Variants in PTPRD observed in about 807,000 individuals in gnomAD.
PTPRD encodes receptor-type tyrosine-protein phosphatase delta.
A neutral mutation model predicts 214.5 loss-of-function variants in PTPRD; 34 were observed. The ratio of observed to expected loss-of-function variants is 0.16; its 90% CI spans 0.12 to 0.21. PTPRD has a LOEUF of 0.21. Among genes scored for constraint, PTPRD ranks in the 10% least tolerant of loss-of-function variants. The pLI is 1.00. For synonymous variants in PTPRD, 1,128 were observed against 845.7 expected (o/e 1.33, Z -5.79); for missense variants, 2,545 against 2,398.7 (o/e 1.06, Z -1.27).
intron 11 of PTPRD, among the ~76,000 whole-genome samples, chr9:8,967,694 T>G (rs1209923242): frequency 6.6e-6 from 1 of 152,154 alleles, no homozygotes; most frequent in Non-Finnish European, 1.5e-5. Context: ...GAATTCTTAC[T>G]GAAATATACG....
At chr9:9,478,711 AT>A (rs1282488663) in intron 8 of PTPRD, among the ~76,000 whole-genome samples, 2 of 152,208 alleles carry the variant, frequency 1.3e-5, no homozygotes, top group African/African-American at 4.8e-5. Flanking sequence ...AAATTAATTA[AT>A]CTTTTTAAAA....
chr9:8,661,996 G>A (rs955050347), intron 12 of PTPRD, among the ~76,000 whole-genome samples: 9 of 152,076 alleles, frequency 5.9e-5, no homozygotes, highest in African/African-American at 2.2e-4. Flanking sequence ...TGCCCAGGCT[G>A]GTCTTAAACC....
At chr9:9,980,639 A>AC (rs2095513282) in intron 4 of PTPRD, among the ~76,000 whole-genome samples, 2 of 135,004 alleles carry the variant, frequency 1.5e-5, no homozygotes, top group Non-Finnish European at 3.2e-5. Context: ...AAAAAACAAA[A>AC]AAAAAAACCC....
At chr9:8,656,305 T>C (rs776293577) in intron 12 of PTPRD, among the ~76,000 whole-genome samples, 1 of 152,212 alleles carries the variant, frequency 6.6e-6, no homozygotes, top group Non-Finnish European at 1.5e-5. Flanking sequence ...TATTCCATTA[T>C]TCAAAAATAT....
rs2097385372 is a variant in PTPRD, at chr9:8,500,769, G to A, written c.2113C>T (p.Arg705Ter). The A allele has an allele frequency of 7.4e-6, 12 of 1,613,878 alleles. No homozygotes were observed. The highest frequency in any genetic ancestry group is 2.2e-5 in the South Asian group (2 of 91,064). Reference sequence around the variant, plus strand: ...GGCAACATACCATCTTCATTGGTTCGAATCAACACGGACAAGCTCTCAGGG... The same window carrying A: ...GGCAACATACCATCTTCATTGGTTCAAATCAACACGGACAAGCTCTCAGGG... ...PGPESLSVLI[R>*]TNEDVPSGPP... is the part of the protein sequence containing the mutation. The change falls in exon 24 of 46, where the codon CGA (arginine) becomes TGA (stop). Residue 705 changes from arginine (R) to a stop codon, truncating the protein, a stop_gained. Transcript: ENST00000381196. LOFTEE classifies it high-confidence loss of function.
intron 10 of PTPRD, among the ~76,000 whole-genome samples, chr9:9,068,343 C>A (rs1393302674): frequency 1.3e-5 from 2 of 152,106 alleles, no homozygotes; most frequent in Admixed American, 6.5e-5. Flanking sequence ...ATAGGTTTCC[C>A]CCTCCCAGGA....
rs1222004969 is a variant in PTPRD, at chr9:8,460,416, A to G, written c.3870T>C (p.Tyr1290=). Residue 1290 remains tyrosine, a synonymous_variant, in exon 33 of 46, where the codon TAT becomes TAC. Transcript: ENST00000381196. ...IICIVIAILL[Y]KRKRAESDSR... ...GAAATATTGGGCAAACCTACCTTTT[A>G]TAAAGAAGAATAGCAATGACAATGC... 6.2e-7 allele frequency: 1 copy of G among 1,610,652 alleles called. No individual in the cohort carries two copies.
intron 3 of PTPRD, among the ~76,000 whole-genome samples, chr9:10,104,877 C>T (rs113839082): frequency 1.3e-5 from 2 of 151,858 alleles, no homozygotes; most frequent in African/African-American, 2.4e-5. Context: ...AGTCTCCTGT[C>T]GTGTTTCCTG....
At chr9:8,321,542 C>T (rs987197017) in intron 44 of PTPRD, among the ~76,000 whole-genome samples, 3 of 118,080 alleles carry the variant, frequency 2.5e-5, no homozygotes, top group South Asian at 2.9e-4. Flanking sequence ...GTATATGCAT[C>T]GCAATTCCTT....
chr9:9,750,338 C>A (rs567317425), intron 6 of PTPRD, among the ~76,000 whole-genome samples: 68 of 152,170 alleles, frequency 4.5e-4, no homozygotes, highest in Admixed American at 1.5e-3. Context: ...AAAAAAAGAG[C>A]TGGAAATAGA....
At chr9:8,362,747 C>G (rs2078825636) in intron 39 of PTPRD, among the ~76,000 whole-genome samples, 1 of 152,166 alleles carries the variant, frequency 6.6e-6, no homozygotes, top group Non-Finnish European at 1.5e-5. Flanking sequence ...GAGAAGATGC[C>G]ATTGGCAAAT....
At chr9:9,856,959 G>C (rs2061670851) in intron 5 of PTPRD, among the ~76,000 whole-genome samples, 1 of 152,122 alleles carries the variant, frequency 6.6e-6, no homozygotes, top group African/African-American at 2.4e-5. Flanking sequence ...GAAAGCAGTG[G>C]TTATTCTTAA....
At chr9:10,235,123 C>CCCT (rs1790564487) in intron 3 of PTPRD, among the ~76,000 whole-genome samples, 1 of 151,820 alleles carries the variant, frequency 6.6e-6, no homozygotes, top group Non-Finnish European at 1.5e-5. Flanking sequence ...CCTTTCTACA[C>CCCT]CCTCTATTTT....
intron 7 of PTPRD, among the ~76,000 whole-genome samples, chr9:9,733,085 G>A (rs913006231): frequency 1.3e-5 from 2 of 152,164 alleles, no homozygotes; most frequent in Non-Finnish European, 2.9e-5. Context: ...GTAAAAGCCT[G>A]CACAATGAAA....
chr9:9,998,129 A>AAAAAAAAAAAAATATATAT, intron 4 of PTPRD, among the ~76,000 whole-genome samples: 1 of 91,462 alleles, frequency 1.1e-5, no homozygotes, highest in Non-Finnish European at 2.0e-5. Context: ...AAAAAAAAAA[A>AAAAAAAAAAAAATATATAT]ATATATATAT....
chr9:8,932,884 C>T (rs572538333), intron 11 of PTPRD, among the ~76,000 whole-genome samples: 63 of 152,244 alleles, frequency 4.1e-4, no homozygotes, highest in Middle Eastern at 3.4e-3. Context: ...ATGAAAGGTT[C>T]TGTCTTGCTG....
intron 11 of PTPRD, among the ~76,000 whole-genome samples, chr9:8,864,336 C>A (rs2098158628): frequency 6.6e-6 from 1 of 152,190 alleles, no homozygotes; most frequent in Non-Finnish European, 1.5e-5. Context: ...AAGACTCGGA[C>A]ATGCTTCAGG....
intron 5 of PTPRD, among the ~76,000 whole-genome samples, chr9:9,821,982 T>C (rs556515673): frequency 6.6e-6 from 1 of 150,806 alleles, no homozygotes. Context: ...ATAATTCAAA[T>C]CTGTGACTGA....
chr9:8,753,595 A>G (rs1035547432), intron 11 of PTPRD, among the ~76,000 whole-genome samples: 4 of 152,178 alleles, frequency 2.6e-5, no homozygotes, highest in African/African-American at 7.2e-5. Context: ...AAAAGTGAGG[A>G]GACATGATAA....
Sources: gnomAD v4.1 joint callset for allele counts (sites outside exome capture counted in the v4.1 genomes callset) on GRCh38, gnomAD v4.1.1 for gene constraint, MANE v1.5 for transcripts, NCBI Gene and HGNC (gene_info 2026-07-23, HGNC 2026-07-21) for gene names.